Variants in CDH12 observed in about 807,000 individuals in gnomAD.
CDH12 encodes cadherin-12.
In CDH12, 41 loss-of-function variants were observed where a neutral mutation model predicts 74.1. The observed-to-expected ratio is 0.55, with a 90% CI of 0.43 to 0.72. The LOEUF (loss-of-function observed/expected upper bound fraction) is 0.72, where lower values mean the gene tolerates loss of function less well. Among genes scored for constraint, CDH12 ranks in the 30% least tolerant of loss-of-function variants. The probability of loss-of-function intolerance (pLI) is 0.00; values close to 1 mark genes in which losing one functional copy is unlikely to be tolerated. For synonymous variants in CDH12, 399 were observed against 355.0 expected, an observed-to-expected ratio of 1.12 and a Z score of -1.39; for missense variants, 945 against 977.2, an observed-to-expected ratio of 0.97 and a Z score of 0.44.
intron 3 of CDH12, among the ~76,000 whole-genome samples, chr5:22,216,075 T>C (rs1379729353): frequency 1.3e-5 from 2 of 152,084 alleles, no homozygotes; most frequent in Non-Finnish European, 2.9e-5. Context: ...GAAAACCTAA[T>C]GTCTTCCTTT....
intron 1 of CDH12, among the ~76,000 whole-genome samples, chr5:22,540,487 T>G (rs1272811477): frequency 6.6e-6 from 1 of 152,142 alleles, no homozygotes; most frequent in African/African-American, 2.4e-5. Context: ...AGTTTTATGT[T>G]ATAATGAACT....
chr5:21,899,884 C>A (rs1314333233), intron 6 of CDH12, among the ~76,000 whole-genome samples: 1 of 151,816 alleles, frequency 6.6e-6, no homozygotes, highest in African/African-American at 2.4e-5. Flanking sequence ...TTACAATAAT[C>A]ACTATATAAT....
At chr5:21,782,546 A>G (rs944273755) in intron 11 of CDH12, among the ~76,000 whole-genome samples, 2 of 152,178 alleles carry the variant, frequency 1.3e-5, no homozygotes, top group Non-Finnish European at 2.9e-5. Context: ...TTTGCACCAG[A>G]TGCACAAAAT....
At chr5:22,443,447 TTAGG>T (rs1744701867) in intron 2 of CDH12, among the ~76,000 whole-genome samples, 1 of 152,072 alleles carries the variant, frequency 6.6e-6, no homozygotes, top group Non-Finnish European at 1.5e-5. Context: ...GTGTTGATAC[TTAGG>T]TAGGTCTTAG....
chr5:22,465,686 C>T (rs1203090438), intron 2 of CDH12, among the ~76,000 whole-genome samples: 1 of 152,014 alleles, frequency 6.6e-6, no homozygotes, highest in African/African-American at 2.4e-5. Context: ...CAGAACAGAA[C>T]AGAACACTTG....
At chr5:22,246,420 A>C (rs1333982267) in intron 3 of CDH12, among the ~76,000 whole-genome samples, 1 of 152,170 alleles carries the variant, frequency 6.6e-6, no homozygotes, top group African/African-American at 2.4e-5. Flanking sequence ...TTTCTTAGAA[A>C]CTAATTATTT....
intron 6 of CDH12, among the ~76,000 whole-genome samples, chr5:21,863,009 C>T (rs965160689): frequency 6.6e-6 from 1 of 152,058 alleles, no homozygotes; most frequent in Non-Finnish European, 1.5e-5. Context: ...CTATTACTTT[C>T]ATTGATTACA....
At chr5:22,227,214 G>A (rs960860972) in intron 3 of CDH12, among the ~76,000 whole-genome samples, 1 of 151,984 alleles carries the variant, frequency 6.6e-6, no homozygotes, top group African/African-American at 2.4e-5. Flanking sequence ...CAGAAGTCTG[G>A]GTGCTCTTCA....
intron 4 of CDH12, among the ~76,000 whole-genome samples, chr5:22,111,598 C>T (rs965364000): frequency 6.6e-6 from 1 of 152,156 alleles, no homozygotes; most frequent in African/African-American, 2.4e-5. Flanking sequence ...TATACTTGTT[C>T]ACCATCTGTC....
At chr5:22,741,666 T>C (rs1745030534) in intron 1 of CDH12, among the ~76,000 whole-genome samples, 1 of 152,178 alleles carries the variant, frequency 6.6e-6, no homozygotes, top group South Asian at 2.1e-4. Context: ...TTCACATCTG[T>C]ATGTGTCTCC....
Position 22,348,371 on chromosome 5 carries a change from C to A in CDH12, c.-333+56886G>T, listed in dbSNP as rs544049634. Among the ~76,000 whole-genome samples the A allele has an allele frequency of 1.6e-4, 24 of 152,234 alleles. 1 individual carries two copies. The highest frequency in any genetic ancestry group is 5.8e-4 in the African/African-American group (24 of 41,548). ...CCTAAGCTCCATTTATTTTGAATGT[C>A]GGAATTTGTTCAGTCTGCTGAACCA... On this transcript the variant is annotated intron_variant, in intron 3 of 14. Transcript: ENST00000382254.
At chr5:22,293,224 G>C (rs1029175344) in intron 3 of CDH12, among the ~76,000 whole-genome samples, 2 of 152,116 alleles carry the variant, frequency 1.3e-5, no homozygotes, top group South Asian at 2.1e-4. Flanking sequence ...CCCAGCCAAC[G>C]GGGACCGGAC....
At chr5:22,134,966 G>A (rs1304839008) in intron 4 of CDH12, among the ~76,000 whole-genome samples, 1 of 151,978 alleles carries the variant, frequency 6.6e-6, no homozygotes, top group Non-Finnish European at 1.5e-5. Flanking sequence ...TTTAAAACCT[G>A]CTCTTTGTAA....
At chr5:21,936,850 C>T (rs546700714) in intron 6 of CDH12, among the ~76,000 whole-genome samples, 1 of 152,190 alleles carries the variant, frequency 6.6e-6, no homozygotes, top group Admixed American at 6.5e-5. Flanking sequence ...CCCCTGCATG[C>T]TCTCTCTCTT....
chr5:22,173,223 A>G, intron 4 of CDH12, among the ~76,000 whole-genome samples: 1 of 148,386 alleles, frequency 6.7e-6, no homozygotes, highest in East Asian at 1.9e-4. Flanking sequence ...ATTTAATTAC[A>G]TATATATGAT....
intron 4 of CDH12, among the ~76,000 whole-genome samples, chr5:22,086,357 T>G (rs1743066940): frequency 6.6e-6 from 1 of 151,914 alleles, no homozygotes; most frequent in South Asian, 2.1e-4. Flanking sequence ...TTTATTATTA[T>G]TTTTTGAGAC....
At chr5:22,766,579 C>G (rs912379673) in intron 1 of CDH12, among the ~76,000 whole-genome samples, 1 of 151,984 alleles carries the variant, frequency 6.6e-6, no homozygotes, top group Non-Finnish European at 1.5e-5. Context: ...GAAAAAGAGA[C>G]CCTGGAACAG....
At chr5:22,447,730 G>A (rs1744871322) in intron 2 of CDH12, among the ~76,000 whole-genome samples, 1 of 151,998 alleles carries the variant, frequency 6.6e-6, no homozygotes, top group Middle Eastern at 3.2e-3. Context: ...AATTTCCCAT[G>A]TTGTAGTTTC....
At chr5:22,004,116 G>A (rs1736783573) in intron 5 of CDH12, among the ~76,000 whole-genome samples, 1 of 152,098 alleles carries the variant, frequency 6.6e-6, no homozygotes, top group Admixed American at 6.6e-5. Flanking sequence ...GAATACAAAT[G>A]TACGCATTAA....
Sources: allele counts gnomAD v4.1 joint callset (sites outside exome capture counted in the v4.1 genomes callset), GRCh38; gene constraint gnomAD v4.1.1; transcripts MANE v1.5; gene names NCBI Gene and HGNC (gene_info 2026-07-23, HGNC 2026-07-21).